The following UNC13C variants were observed in gnomAD, a reference collection of about 807,000 sequenced individuals.
The protein encoded by UNC13C is unc-13 homolog C.
Under a neutral mutation model 245.4 loss-of-function variants are expected in UNC13C, and 174 were observed. The ratio of observed to expected loss-of-function variants is 0.71; its 90% confidence interval spans 0.63 to 0.80. The LOEUF (loss-of-function observed/expected upper bound fraction) is 0.80, where lower values mean the gene tolerates loss of function less well. UNC13C is among the 30% of genes least tolerant of loss of function. The pLI, the probability that UNC13C is intolerant of heterozygous loss-of-function variation, is 0.00. For missense variants in UNC13C, 2,829 were observed against 2,602.9 expected (o/e 1.09, Z -1.89); for synonymous variants, 992 against 895.1 (o/e 1.11, Z -1.93).
chr15:54,535,318 T>C (rs561230741), intron 26 of UNC13C, among the ~76,000 whole-genome samples: 1 of 152,252 alleles, frequency 6.6e-6, no homozygotes, highest in South Asian at 2.1e-4. Context: ...AAGACTTAGC[T>C]ATCCTACACA....
chr15:54,277,491 C>T (rs2036863005), intron 10 of UNC13C, among the ~76,000 whole-genome samples: 1 of 152,166 alleles, frequency 6.6e-6, no homozygotes, highest in Admixed American at 6.5e-5. Context: ...GAACATTTGG[C>T]ATGACTTTTC....
intron 4 of UNC13C, among the ~76,000 whole-genome samples, chr15:54,159,922 G>A (rs1048323930): frequency 6.6e-6 from 1 of 152,124 alleles, no homozygotes; most frequent in African/African-American, 2.4e-5. Context: ...TCTTCCCTTA[G>A]TTACTATTAA....
the UNC13C span, among the ~76,000 whole-genome samples, chr15:53,945,482 T>A: frequency 0.99 from 150,261 of 152,278 alleles, 74,167 homozygotes; most frequent in Middle Eastern, 1. Flanking sequence ...TTATCTCAGC[T>A]CTATTTATTA....
intron 14 of UNC13C, among the ~76,000 whole-genome samples, chr15:54,326,415 C>T (rs1432606026): frequency 6.6e-6 from 1 of 152,064 alleles, no homozygotes; most frequent in African/African-American, 2.4e-5. Flanking sequence ...ATTCTTGTGA[C>T]AGTGAGACTT....
At chr15:54,626,599 A>G (rs1901172969) in intron 32 of UNC13C, among the ~76,000 whole-genome samples, 1 of 152,154 alleles carries the variant, frequency 6.6e-6, no homozygotes, top group Admixed American at 6.6e-5. Context: ...GATTAAGTGT[A>G]ACATAGTATC....
intron 19 of UNC13C, among the ~76,000 whole-genome samples, chr15:54,426,291 T>A (rs1453380844): frequency 6.7e-6 from 1 of 149,506 alleles, no homozygotes; most frequent in East Asian, 2.0e-4. Context: ...CATCTGAAAG[T>A]TCAACTGGTG....
chr15:54,143,549 A>G, intron 3 of UNC13C, 71 bp from the exon 4 acceptor site: 1 of 1,314,722 alleles, frequency 7.6e-7, no homozygotes, highest in Non-Finnish European at 1.1e-6. Flanking sequence ...CTGTGTCCCG[A>G]TTTCGTGTAC....
At chr15:53,939,442 A>C in the UNC13C span, among the ~76,000 whole-genome samples, 3 of 152,180 alleles carry the variant, frequency 2.0e-5, no homozygotes, top group Non-Finnish European at 4.4e-5. Flanking sequence ...TACTGAAACT[A>C]TTCCGAAAAT....
intron 6 of UNC13C, 99 bp from the exon 7 acceptor site, chr15:54,237,520 C>T (rs1263016259): frequency 2.3e-6 from 2 of 879,016 alleles, no homozygotes; most frequent in Non-Finnish European, 3.8e-6. Context: ...AAAATATGAA[C>T]AGTGATAGCC....
chr15:54,138,759 C>T (rs2031860199), intron 2 of UNC13C, among the ~76,000 whole-genome samples: 2 of 151,470 alleles, frequency 1.3e-5, no homozygotes, highest in Non-Finnish European at 1.5e-5. Context: ...TTAGAGTAGC[C>T]GAAATTTATT....
intron 10 of UNC13C, among the ~76,000 whole-genome samples, chr15:54,269,838 A>T (rs2036639677): frequency 6.6e-6 from 1 of 152,038 alleles, no homozygotes; most frequent in African/African-American, 2.4e-5. Context: ...TGGCAGTAAC[A>T]ATATATGTAT....
intron 17 of UNC13C, among the ~76,000 whole-genome samples, chr15:54,371,079 T>C (rs1392805462): frequency 1.3e-5 from 2 of 152,194 alleles, no homozygotes; most frequent in South Asian, 2.1e-4. Flanking sequence ...TCATTAACTA[T>C]AATTACATAT....
At chr15:54,265,964 C>G (rs747262828) in intron 10 of UNC13C, among the ~76,000 whole-genome samples, 7 of 151,994 alleles carry the variant, frequency 4.6e-5, no homozygotes, top group Non-Finnish European at 7.4e-5. Flanking sequence ...TATAACCTTG[C>G]ACATTCCACG....
chr15:54,302,171 T>A (rs978345527), intron 13 of UNC13C, among the ~76,000 whole-genome samples: 1 of 152,176 alleles, frequency 6.6e-6, no homozygotes, highest in African/African-American at 2.4e-5. Flanking sequence ...TTTAAGTTCT[T>A]TGTAGATTCT....
At chr15:54,390,744 A>C (rs2039937150) in intron 17 of UNC13C, among the ~76,000 whole-genome samples, 1 of 152,106 alleles carries the variant, frequency 6.6e-6, no homozygotes, top group Non-Finnish European at 1.5e-5. Context: ...ATAAGGTTAA[A>C]TGCCCTATTA....
At chr15:54,097,586 T>G (rs994145704) in intron 2 of UNC13C, among the ~76,000 whole-genome samples, 1 of 152,216 alleles carries the variant, frequency 6.6e-6, no homozygotes, top group Non-Finnish European at 1.5e-5. Flanking sequence ...AAAGAAAATA[T>G]CAGAGGCACA....
intron 18 of UNC13C, among the ~76,000 whole-genome samples, chr15:54,400,654 T>C (rs1284774668): frequency 3.3e-5 from 5 of 152,198 alleles, no homozygotes; most frequent in East Asian, 1.9e-4. Context: ...TATTTCTTCA[T>C]TGAAAATTTC....
chr15:54,147,463 C>A (rs911484088), intron 4 of UNC13C, among the ~76,000 whole-genome samples: 2 of 152,122 alleles, frequency 1.3e-5, no homozygotes, highest in African/African-American at 4.8e-5. Flanking sequence ...TCGTGATCTG[C>A]CTGCCTCGGC....
intron 2 of UNC13C, among the ~76,000 whole-genome samples, chr15:54,141,937 T>C (rs764919445): frequency 1.6e-4 from 24 of 152,280 alleles, no homozygotes; most frequent in Admixed American, 6.5e-4. Context: ...AGGGTCATCA[T>C]TGAGCTACAT....
Sources: gnomAD v4.1 joint callset for allele counts (sites outside exome capture counted in the v4.1 genomes callset) on GRCh38, gnomAD v4.1.1 for gene constraint, MANE v1.5 for transcripts, NCBI Gene and HGNC (gene_info 2026-07-23, HGNC 2026-07-21) for gene names.